TECTA: variants seen among roughly 807,000 people sequenced by gnomAD.
TECTA encodes the protein tectorin alpha, also known as alpha-tectorin.
A neutral mutation model predicts 216.8 loss-of-function variants in TECTA; 128 were observed. That is an observed-to-expected ratio of 0.59 (90% CI 0.51 to 0.68). The LOEUF is 0.68. Among genes scored for constraint, TECTA ranks in the 30% least tolerant of loss-of-function variants. The pLI, the probability that TECTA is intolerant of heterozygous loss-of-function variation, is 0.00. For missense variants in TECTA, 2,551 were observed against 2,786.2 expected (o/e 0.92, Z 1.90); for synonymous variants, 1,089 against 1,117.1 (o/e 0.97, Z 0.50).
intron 11 of TECTA, 122 bp downstream of exon 11, chr11:121,138,144 G>A (rs1946750425): frequency 7.4e-7 from 1 of 1,345,644 alleles, no homozygotes; most frequent in Non-Finnish European, 1.0e-6. Flanking sequence ...GTATATTAAA[G>A]CAGAGAGAGG....
Position 121,145,580 on chromosome 11 carries a change from C to T in TECTA, c.3569C>T (p.Pro1190Leu). The T allele has an allele frequency of 6.2e-7, 1 of 1,614,208 alleles. No homozygotes were observed. Among genetic ancestry groups the T allele is most frequent in the Non-Finnish European group, 8.5e-7 (1 of 1,180,036 alleles). The change falls in exon 12 of 24, where the codon CCC (proline) becomes CTC (leucine). Residue 1190 changes from proline (P) to leucine (L), a missense_variant. Coordinates refer to ENST00000392793, the MANE Select transcript of TECTA (RefSeq NM_005422.4). ...GTCAACAGTGAACGGCTCTATCTGC[C>T]CCTGAAGCTGGGGCAAGGGAAGATA... ...VLVNSERLYL[P>L]LKLGQGKINI...
chr11:121,127,519 C>A lies in TECTA; in HGVS notation c.1775-233C>A, dbSNP rs560881581. Among the ~76,000 whole-genome samples, 1 of 152,162 alleles carries A rather than the reference C, an allele frequency of 6.6e-6. No individual in the cohort carries two copies. Among genetic ancestry groups the A allele is most frequent in the South Asian group, 2.1e-4 (1 of 4,802 alleles). ...GGCATCCTGAAAGTTTAATTTTAGT[C>A]AAGATGATCAAATTCCAATAGAAGT... On this transcript the variant is annotated intron_variant, in intron 8 of 23. Coordinates refer to ENST00000392793, the MANE Select transcript of TECTA (RefSeq NM_005422.4). This position sits in a 1 kb window ranked among gnomAD's most constrained non-coding sequence, Gnocchi z 5.0.
chr11:121,116,418 A>G (rs1946502458), intron 6 of TECTA, among the ~76,000 whole-genome samples: 1 of 152,236 alleles, frequency 6.6e-6, no homozygotes, highest in African/African-American at 2.4e-5. Flanking sequence ...GCCCAGTGAC[A>G]GCCTCTCACC....
At chr11:121,141,968 G>A (rs1183860467) in intron 11 of TECTA, among the ~76,000 whole-genome samples, 2 of 152,204 alleles carry the variant, frequency 1.3e-5, no homozygotes, top group African/African-American at 2.4e-5. Flanking sequence ...AATCAGCCAG[G>A]AGAACCTTAG....
intron 16 of TECTA, among the ~76,000 whole-genome samples, chr11:121,164,554 T>C (rs1947032329): frequency 6.6e-6 from 1 of 152,216 alleles, no homozygotes; most frequent in African/African-American, 2.4e-5. Flanking sequence ...AGAAATATTG[T>C]TCATAATAAC....
chr11:121,156,176 T>G (rs959686798), intron 13 of TECTA, among the ~76,000 whole-genome samples: 1 of 152,126 alleles, frequency 6.6e-6, no homozygotes, highest in African/African-American at 2.4e-5. Flanking sequence ...TAATTTAATT[T>G]TATTATTATT....
intron 13 of TECTA, among the ~76,000 whole-genome samples, chr11:121,156,925 G>C (rs1385261674): frequency 4.6e-5 from 7 of 152,138 alleles, no homozygotes; most frequent in African/African-American, 1.7e-4. Context: ...ATCCCAAAAC[G>C]TTCCTTTCAT....
chr11:121,172,741 C>G (rs928934053), intron 20 of TECTA, among the ~76,000 whole-genome samples: 12 of 152,150 alleles, frequency 7.9e-5, no homozygotes, highest in Non-Finnish European at 1.3e-4. Context: ...ATTTCTAGTT[C>G]TAGATCCCTG....
chr11:121,184,296 T>C (rs1327612808), intron 20 of TECTA, among the ~76,000 whole-genome samples: 1 of 152,186 alleles, frequency 6.6e-6, no homozygotes, highest in Non-Finnish European at 1.5e-5. Flanking sequence ...CTCCTCCTCT[T>C]TGTCTCTCTC....
intron 19 of TECTA, 59 bp from the exon 20 acceptor site, chr11:121,168,618 A>G (rs1947079640): frequency 1.8e-5 from 29 of 1,613,182 alleles, no homozygotes; most frequent in Non-Finnish European, 2.5e-5. Context: ...GAAAAATGGT[A>G]GGTAATTGAA....
intron 11 of TECTA, among the ~76,000 whole-genome samples, chr11:121,139,326 C>T (rs981699171): frequency 1.3e-5 from 2 of 152,244 alleles, no homozygotes; most frequent in African/African-American, 4.8e-5. Context: ...AGGAACCATA[C>T]ATACCTAATT....
chr11:121,159,496 G>A (rs972957837), intron 14 of TECTA, among the ~76,000 whole-genome samples: 2 of 152,322 alleles, frequency 1.3e-5, no homozygotes, highest in East Asian at 1.9e-4. Flanking sequence ...GTTTTATTTT[G>A]TAAGTACAGG....
chr11:121,105,253 G>A lies in TECTA; in HGVS notation c.65-578G>A. ...GTCTGTCTTTTGTAAAAAAGGAGTTGGGCAAAGAGCCTCTTGCAGGGCCGC... is the reference window on the plus strand; with the variant it reads ...GTCTGTCTTTTGTAAAAAAGGAGTTAGGCAAAGAGCCTCTTGCAGGGCCGC... On this transcript the variant is annotated intron_variant, in intron 2 of 23. Coordinates refer to ENST00000392793, the MANE Select transcript of TECTA (RefSeq NM_005422.4). The surrounding 1 kb of genome is among the most constrained non-coding windows in gnomAD (Gnocchi z 5.3). 6.6e-6 allele frequency among the ~76,000 whole-genome samples: 1 copy of A among 152,210 alleles called. No individual in the cohort carries two copies. The highest frequency in any genetic ancestry group is 1.9e-4 in the East Asian group (1 of 5,198).
intron 10 of TECTA, among the ~76,000 whole-genome samples, chr11:121,130,975 G>A (rs1227294894): frequency 6.7e-6 from 1 of 148,316 alleles, no homozygotes; most frequent in Non-Finnish European, 1.5e-5. Flanking sequence ...AGCACTTTGG[G>A]AGGCAAAGGC....
intron 16 of TECTA, among the ~76,000 whole-genome samples, chr11:121,163,857 A>T (rs1947025796): frequency 6.6e-6 from 1 of 152,208 alleles, no homozygotes; most frequent in East Asian, 1.9e-4. Context: ...GTGGTGAATC[A>T]TAACTTTCGC....
chr11:121,154,484 A>G (rs1376094151), intron 13 of TECTA, among the ~76,000 whole-genome samples: 3 of 152,228 alleles, frequency 2.0e-5, no homozygotes, highest in Admixed American at 6.5e-5. Context: ...TTTTCTCACA[A>G]TTGAGGAGAA....
intron 17 of TECTA, 77 bp downstream of exon 17, chr11:121,165,460 C>T (rs1947043591): frequency 1.6e-6 from 2 of 1,229,048 alleles, no homozygotes; most frequent in Non-Finnish European, 2.3e-6. Flanking sequence ...CTTGATGCAT[C>T]CCACTTTGTG....
intron 20 of TECTA, among the ~76,000 whole-genome samples, chr11:121,186,398 G>A (rs181548772): frequency 9.6e-4 from 146 of 152,342 alleles, no homozygotes; most frequent in Admixed American, 7.0e-3. Context: ...AGTGCTTGGC[G>A]TCTGTGCTCA....
At chr11:121,189,267 G>A in intron 22 of TECTA, 100 bp downstream of exon 22, 1 of 1,218,798 alleles carries the variant, frequency 8.2e-7, no homozygotes, top group Non-Finnish European at 1.2e-6. Context: ...GGACAAGGAG[G>A]CTGGTGTTGG....
Sources: gnomAD v4.1 joint callset for allele counts (sites outside exome capture counted in the v4.1 genomes callset) on GRCh38, gnomAD v4.1.1 for gene constraint, Gnocchi (gnomAD v3.1) non-coding constraint, MANE v1.5 for transcripts, NCBI Gene and HGNC (gene_info 2026-07-23, HGNC 2026-07-21) for gene names.